Variants in KIF13B observed in about 807,000 individuals in gnomAD.
KIF13B encodes the protein kinesin family member 13B, also known as kinesin-like protein KIF13B.
A neutral mutation model predicts 222.0 loss-of-function variants in KIF13B; 127 were observed. That is an observed-to-expected ratio of 0.57 (90% CI 0.50 to 0.66). The LOEUF (loss-of-function observed/expected upper bound fraction) is 0.66, where lower values mean the gene tolerates loss of function less well. Among genes scored for constraint, KIF13B ranks in the 30% least tolerant of loss-of-function variants. The pLI, the probability that KIF13B is intolerant of heterozygous loss-of-function variation, is 0.00. For missense variants in KIF13B, 2,173 were observed against 2,379.0 expected, an observed-to-expected ratio of 0.91 and a Z score of 1.80; for synonymous variants, 976 against 919.0, an observed-to-expected ratio of 1.06 and a Z score of -1.12.
At chr8:29,122,537 A>G in intron 29 of KIF13B, 54 bp downstream of exon 29, 1 of 1,424,662 alleles carries the variant, frequency 7.0e-7, no homozygotes, top group Non-Finnish European at 9.8e-7. Context: ...TCTACATGTT[A>G]TGTAGGCACT....
intron 2 of KIF13B, among the ~76,000 whole-genome samples, chr8:29,230,383 T>C (rs1235398024): frequency 6.6e-6 from 1 of 152,152 alleles, no homozygotes; most frequent in East Asian, 1.9e-4. Flanking sequence ...ATCTATAAAT[T>C]GGCCTATCCT....
At position 29,092,831 on chromosome 8, in the gene KIF13B, C is replaced by T. The variant is rs200599694; in HGVS notation, c.4372G>A (p.Val1458Met). The part of the protein sequence containing the change: ...ASYLNPVKSF[V>M]PQMPKLLKSL... ...TTGAGGAGCTTTGGCATTTGCGGCA[C>T]GAAGGATTTGACAGGATTCAAGTAG... Residue 1458 changes from valine to methionine, a missense_variant, in exon 37 of 40, where the codon GTG (valine) becomes ATG (methionine). Val to Met is a conservative substitution (Grantham distance 21, BLOSUM62 1). This residue lies in a region of KIF13B where 693 missense variants were observed against 656.2 expected (regional missense o/e 1.06). Coordinates refer to ENST00000524189, the MANE Select transcript of KIF13B (RefSeq NM_015254.4). 2,998 of 1,612,584 alleles carry T rather than the reference C, an allele frequency of 1.9e-3. 12 individuals are homozygous for T. Among genetic ancestry groups the T allele is most frequent in the South Asian group, 5.8e-3 (525 of 90,668 alleles).
At chr8:29,176,458 G>C (rs1812481830) in intron 9 of KIF13B, among the ~76,000 whole-genome samples, 1 of 152,168 alleles carries the variant, frequency 6.6e-6, no homozygotes, top group African/African-American at 2.4e-5. Flanking sequence ...GTATCTTTAA[G>C]AAAGGAAGCC....
chr8:29,172,415 C>G (rs1193348667), intron 10 of KIF13B, among the ~76,000 whole-genome samples: 1 of 152,122 alleles, frequency 6.6e-6, no homozygotes, highest in African/African-American at 2.4e-5. Context: ...AAGATAATGA[C>G]AAATATTCAG....
intron 21 of KIF13B, among the ~76,000 whole-genome samples, chr8:29,137,356 C>A (rs1810611181): frequency 6.6e-6 from 1 of 152,152 alleles, no homozygotes; most frequent in Non-Finnish European, 1.5e-5. Flanking sequence ...AGTTTTTGCA[C>A]ACAAAAACTA....
At chr8:29,078,049 G>A (rs192991663) in intron 37 of KIF13B, among the ~76,000 whole-genome samples, 3 of 148,404 alleles carry the variant, frequency 2.0e-5, no homozygotes, top group African/African-American at 5.0e-5. Context: ...TTGGGAGGCC[G>A]CAGCAGGAGG....
At chr8:29,122,233 G>C (rs909598189) in intron 29 of KIF13B, among the ~76,000 whole-genome samples, 21 of 152,120 alleles carry the variant, frequency 1.4e-4, no homozygotes, top group Admixed American at 1.2e-3. Context: ...CAGCCTGGGT[G>C]ACAGATCAAG....
At chr8:29,102,650 G>A (rs1808848647) in intron 35 of KIF13B, among the ~76,000 whole-genome samples, 1 of 152,216 alleles carries the variant, frequency 6.6e-6, no homozygotes, top group African/African-American at 2.4e-5. Flanking sequence ...GATCAGGAAA[G>A]TGACAAAAAG....
At chr8:29,136,760 A>G (rs759151183) in intron 21 of KIF13B, among the ~76,000 whole-genome samples, 17 of 150,878 alleles carry the variant, frequency 1.1e-4, no homozygotes, top group Non-Finnish European at 2.4e-4. Context: ...TACCACACCA[A>G]TGAAATGAAA....
At chr8:29,203,129 A>C (rs1813773033) in intron 2 of KIF13B, among the ~76,000 whole-genome samples, 1 of 152,244 alleles carries the variant, frequency 6.6e-6, no homozygotes, top group Non-Finnish European at 1.5e-5. Context: ...TCTGAAGGAC[A>C]AAGTGTTCTT....
At chr8:29,117,718 A>G (rs1463558098) in intron 30 of KIF13B, among the ~76,000 whole-genome samples, 4 of 152,174 alleles carry the variant, frequency 2.6e-5, no homozygotes, top group East Asian at 3.8e-4. Flanking sequence ...CAAATATCAC[A>G]TATCAGCTTT....
At chr8:29,134,905 C>T (rs560058459) in intron 21 of KIF13B, among the ~76,000 whole-genome samples, 23 of 152,200 alleles carry the variant, frequency 1.5e-4, no homozygotes, top group African/African-American at 5.1e-4. Flanking sequence ...AAGCGTGCTC[C>T]GGACCAGGAG....
intron 18 of KIF13B, among the ~76,000 whole-genome samples, chr8:29,143,507 C>T (rs1810912304): frequency 6.6e-6 from 1 of 152,338 alleles, no homozygotes; most frequent in Middle Eastern, 3.4e-3. Flanking sequence ...GCGGTGCTCA[C>T]ACCACATTAT....
At chr8:29,213,152 TAGTAA>T (rs1814307403) in intron 2 of KIF13B, among the ~76,000 whole-genome samples, 1 of 152,138 alleles carries the variant, frequency 6.6e-6, no homozygotes, top group Admixed American at 6.5e-5. Context: ...GCAACTTCAG[TAGTAA>T]AGTAGGGTCA....
At chr8:29,127,916 C>T (rs1185762873) in intron 24 of KIF13B, among the ~76,000 whole-genome samples, 1 of 151,696 alleles carries the variant, frequency 6.6e-6, no homozygotes, top group Non-Finnish European at 1.5e-5. Flanking sequence ...AAAACAATAA[C>T]CTTAAACTGT....
intron 37 of KIF13B, among the ~76,000 whole-genome samples, chr8:29,079,959 T>C (rs1807728388): frequency 6.6e-6 from 1 of 152,132 alleles, no homozygotes; most frequent in African/African-American, 2.4e-5. Flanking sequence ...GTGAAAAACC[T>C]GAGAAACAAA....
chr8:29,166,721 A>AAG (rs10674636), intron 11 of KIF13B, among the ~76,000 whole-genome samples: 7 of 151,384 alleles, frequency 4.6e-5, no homozygotes, highest in Non-Finnish European at 1.0e-4. Flanking sequence ...AAAAAAAAAA[A>AAG]GTAGGAATCC....
intron 10 of KIF13B, among the ~76,000 whole-genome samples, chr8:29,171,999 CT>C (rs1253143203): frequency 1.3e-5 from 2 of 151,354 alleles, no homozygotes; most frequent in African/African-American, 2.4e-5. Flanking sequence ...CTCAGGTGAT[CT>C]GTCCACCTCG....
Position 29,080,482 on chromosome 8 carries a change from T to C in KIF13B, c.4459-5139A>G, listed in dbSNP as rs374640295. The stretch of plus-strand genomic sequence containing the variant: ...CGGGCGGGGAGAACGTGTCCAGCCC[T>C]GGCCTGAAGCCTGTGAACCAGCCTC... On this transcript the variant is annotated intron_variant, in intron 37 of 39. Coordinates refer to ENST00000524189, the MANE Select transcript of KIF13B (RefSeq NM_015254.4). 4.6e-5 allele frequency among the ~76,000 whole-genome samples: 7 copies of C among 152,302 alleles called. No individual in the cohort carries two copies. In the South Asian group the frequency reaches 6.2e-4, roughly 14 times the overall value.
Sources: gnomAD v4.1 joint callset for allele counts (sites outside exome capture counted in the v4.1 genomes callset) on GRCh38, gnomAD v4.1.1 for gene constraint, gnomAD v4.1.1 regional missense constraint, MANE v1.5 for transcripts, NCBI Gene and HGNC (gene_info 2026-07-23, HGNC 2026-07-21) for gene names.